Variants in TRPM7 observed in about 807,000 individuals in gnomAD.
The protein encoded by TRPM7 is transient receptor potential cation channel subfamily M member 7.
In TRPM7, 134 loss-of-function variants were observed where a neutral mutation model predicts 229.7. The ratio of observed to expected loss-of-function variants is 0.58; its 90% CI spans 0.51 to 0.67. The LOEUF (loss-of-function observed/expected upper bound fraction) is 0.67, where lower values mean the gene tolerates loss of function less well. Among genes scored for constraint, TRPM7 ranks in the 30% least tolerant of loss-of-function variants. The probability of loss-of-function intolerance (pLI) is 0.00; values close to 1 mark genes in which losing one functional copy is unlikely to be tolerated. For missense variants in TRPM7, 1,901 were observed against 2,210.0 expected, an observed-to-expected ratio of 0.86 and a Z score of 2.80; for synonymous variants, 699 against 715.2, an observed-to-expected ratio of 0.98 and a Z score of 0.36.
intron 38 of TRPM7, among the ~76,000 whole-genome samples, chr15:50,564,234 G>A (rs1049727086): frequency 1.2e-5 from 1 of 81,736 alleles, no homozygotes; most frequent in Admixed American, 1.2e-4. Context: ...GGGTGACAGA[G>A]TGAGACTGTC....
At chr15:50,598,135 CGTAGGAAGGGA>C (rs1190639499) in intron 22 of TRPM7, among the ~76,000 whole-genome samples, 1 of 151,742 alleles carries the variant, frequency 6.6e-6, no homozygotes, top group African/African-American at 2.4e-5. Context: ...CCCATAAATA[CGTAGGAAGGGA>C]GTAACACAGA....
chr15:50,648,700 G>A lies in TRPM7; in HGVS notation c.308C>T (p.Ser103Phe), dbSNP rs1333225724. ...TATGTGACATACCTTAGCTCTGTAG[G>A]AATGAGAACCCCCTTGAAAATTTAT... The part of the protein sequence containing the change: ...GVINFQGGSH[S>F]YRAKYVRLSY... Residue 103 changes from serine to phenylalanine, a missense_variant, in exon 4 of 39, where the codon TCC becomes TTC. By Grantham distance (155) the Ser-to-Phe change is radical. Transcript: ENST00000646667. The A allele has an allele frequency of 1.2e-6, 2 of 1,606,830 alleles. No homozygotes were observed. The highest frequency in any genetic ancestry group is 1.7e-5 in the Admixed American group (1 of 59,166).
intron 1 of TRPM7, among the ~76,000 whole-genome samples, chr15:50,676,868 A>G (rs1330671512): frequency 6.6e-6 from 1 of 152,174 alleles, no homozygotes; most frequent in Non-Finnish European, 1.5e-5. Flanking sequence ...TAAATACTTA[A>G]TATTAATTCT....
At chr15:50,609,308 G>C (rs2060000720) in intron 19 of TRPM7, among the ~76,000 whole-genome samples, 1 of 151,956 alleles carries the variant, frequency 6.6e-6, no homozygotes, top group African/African-American at 2.4e-5. Context: ...ATTTTTACTA[G>C]TTGATTAGTA....
intron 8 of TRPM7, among the ~76,000 whole-genome samples, chr15:50,634,120 A>G (rs1464209604): frequency 2.6e-5 from 4 of 152,092 alleles, no homozygotes; most frequent in African/African-American, 9.6e-5. Context: ...GGAGTTCAAG[A>G]CTAGCCTGCC....
intron 15 of TRPM7, 92 bp from the exon 16 acceptor site, chr15:50,612,921 T>C (rs2060102466): frequency 8.8e-7 from 1 of 1,134,526 alleles, no homozygotes; most frequent in Admixed American, 2.6e-5. Flanking sequence ...CTTTACATTA[T>C]TCAGCTCCAT....
chr15:50,564,760 T>A (rs1403676436), intron 38 of TRPM7, among the ~76,000 whole-genome samples: 1 of 152,124 alleles, frequency 6.6e-6, no homozygotes, highest in African/African-American at 2.4e-5. Flanking sequence ...ACAGCCTATA[T>A]TAAACAATCC....
At chr15:50,656,150 G>A (rs942943828) in intron 3 of TRPM7, among the ~76,000 whole-genome samples, 1 of 152,012 alleles carries the variant, frequency 6.6e-6, no homozygotes, top group Admixed American at 6.6e-5. Context: ...GTTCAGTGTA[G>A]CTGCACTATA....
intron 27 of TRPM7, among the ~76,000 whole-genome samples, chr15:50,586,834 T>TG (rs1284384155): frequency 3.3e-5 from 5 of 152,076 alleles, no homozygotes; most frequent in Admixed American, 1.3e-4. Context: ...TTGGCCAACA[T>TG]GGTGAAACCC....
At chr15:50,678,108 G>C (rs2062137824) in intron 1 of TRPM7, among the ~76,000 whole-genome samples, 1 of 151,510 alleles carries the variant, frequency 6.6e-6, no homozygotes, top group South Asian at 2.1e-4. Flanking sequence ...GGGCGTGGTG[G>C]TGGGCGCCTG....
At chr15:50,569,335 G>C (rs2053760596) in intron 38 of TRPM7, among the ~76,000 whole-genome samples, 1 of 152,100 alleles carries the variant, frequency 6.6e-6, no homozygotes, top group Non-Finnish European at 1.5e-5. Flanking sequence ...AATATCATGA[G>C]ACAATATATT....
At chr15:50,612,945 A>T in intron 15 of TRPM7, 116 bp from the exon 16 acceptor site, 1 of 820,882 alleles carries the variant, frequency 1.2e-6, no homozygotes, top group Non-Finnish European at 1.8e-6. Context: ...ACTGCACAAT[A>T]GCATAAATTT....
intron 13 of TRPM7, among the ~76,000 whole-genome samples, chr15:50,615,316 T>C (rs146201060): frequency 3.0e-4 from 46 of 152,232 alleles, no homozygotes; most frequent in Admixed American, 7.9e-4. Flanking sequence ...ACATGTTAAG[T>C]ATTTTTTTAA....
intron 22 of TRPM7, among the ~76,000 whole-genome samples, chr15:50,598,625 G>C (rs1019750241): frequency 6.6e-6 from 1 of 152,178 alleles, no homozygotes; most frequent in African/African-American, 2.4e-5. Flanking sequence ...AGATAGGCAG[G>C]CTGAAGCCAA....
intron 12 of TRPM7, among the ~76,000 whole-genome samples, chr15:50,621,536 A>C (rs1310338590): frequency 6.6e-6 from 1 of 152,084 alleles, no homozygotes; most frequent in African/African-American, 2.4e-5. Context: ...CTTTTTTCCT[A>C]ATCATATTAA....
In TRPM7 at chr15:50,592,631, A is replaced by T; in HGVS notation, c.3609-5T>A. The T allele has an allele frequency of 6.6e-7, 1 of 1,514,200 alleles. No homozygotes were observed. Among genetic ancestry groups the T allele is most frequent in the Non-Finnish European group, 8.8e-7 (1 of 1,131,680 alleles). The allele number at this position is 1,514,200 out of a possible 1,614,324, so 93.8% of individuals were successfully genotyped here. A position where few individuals can be genotyped will look rare whatever the true frequency, so the allele number is the denominator to read the frequency against. The stretch of plus-strand genomic sequence containing the variant: ...TGAATGCACATCTGTTCCACTCTGT[A>T]GGAGAGAAATAAGCTTTTTTTACAA... On this transcript the variant is annotated splice_region_variant and splice_polypyrimidine_tract_variant and intron_variant, in intron 25 of 38. Coordinates refer to ENST00000646667, the MANE Select transcript of TRPM7 (RefSeq NM_017672.6).
At chr15:50,641,071 A>T (rs2061087793) in intron 5 of TRPM7, among the ~76,000 whole-genome samples, 1 of 152,128 alleles carries the variant, frequency 6.6e-6, no homozygotes, top group Non-Finnish European at 1.5e-5. Flanking sequence ...CCCTCACCCA[A>T]ATTATGAAAA....
chr15:50,638,810 C>T (rs2061001672), intron 6 of TRPM7, among the ~76,000 whole-genome samples: 1 of 151,894 alleles, frequency 6.6e-6, no homozygotes, highest in Admixed American at 6.6e-5. Flanking sequence ...CTCAGCCTCC[C>T]AAGTAGCTAG....
intron 2 of TRPM7, among the ~76,000 whole-genome samples, chr15:50,659,802 G>A (rs1257925343): frequency 6.6e-6 from 1 of 151,878 alleles, no homozygotes; most frequent in Non-Finnish European, 1.5e-5. Context: ...CAAGTAGCTG[G>A]GATTACAAGT....
Sources: allele counts gnomAD v4.1 joint callset (sites outside exome capture counted in the v4.1 genomes callset), GRCh38; gene constraint gnomAD v4.1.1; transcripts MANE v1.5; gene names NCBI Gene and HGNC (gene_info 2026-07-23, HGNC 2026-07-21).